Variants in THSD7A observed in about 807,000 individuals in gnomAD.
The protein encoded by THSD7A is thrombospondin type 1 domain containing 7A, also known as thrombospondin type-1 domain-containing protein 7A.
THSD7A carries 96 observed loss-of-function variants against 231.3 expected under a neutral mutation model. The ratio of observed to expected loss-of-function variants is 0.41; its 90% CI spans 0.35 to 0.49. THSD7A has a LOEUF of 0.49. Among genes scored for constraint, THSD7A ranks in the 20% least tolerant of loss-of-function variants. THSD7A has a pLI of 0.05. For synonymous variants in THSD7A, 940 were observed against 743.3 expected (o/e 1.26, Z -4.30); for missense variants, 2,290 against 2,070.2 (o/e 1.11, Z -2.06).
rs774379343 is a variant in THSD7A, at chr7:11,375,023, T to C, written c.*771A>G. On this transcript the variant is annotated 3_prime_UTR_variant, in exon 28 of 28. Coordinates refer to ENST00000423059, the MANE Select transcript of THSD7A (RefSeq NM_015204.3). ...TGTGCCTTCCATATAGCAAAAAAGA[T>C]GCAGGCAACCAGTTTGAAAATCAGG... 2.0e-5 allele frequency: 3 copies of C among 152,068 alleles called. No homozygotes were observed. Among genetic ancestry groups the C allele is most frequent in the Non-Finnish European group, 4.4e-5 (3 of 68,000 alleles). The allele number at this position is 152,068 out of a possible 1,614,324, so 9.4% of individuals were successfully genotyped here.
At chr7:11,399,968 A>C (rs937734401) in intron 23 of THSD7A, among the ~76,000 whole-genome samples, 11 of 152,136 alleles carry the variant, frequency 7.2e-5, no homozygotes, top group Non-Finnish European at 1.3e-4. Context: ...ACACCATGGA[A>C]TACTATGCAG....
rs1239762226 is a variant in THSD7A at position 11,632,737 on chromosome 7, A to C, written c.1022+3393T>G. Among the ~76,000 whole-genome samples the C allele has an allele frequency of 6.6e-6, 1 of 152,144 alleles. No individual in the cohort carries two copies. The highest frequency in any genetic ancestry group is 1.5e-5 in the Non-Finnish European group (1 of 68,016). ...GTCTCTTCACCTATCTCTCTCCATA[A>C]AAGTTGATCTATATTAGTTCTCCCA... On this transcript the variant is annotated intron_variant, in intron 2 of 27. Transcript: ENST00000423059. The surrounding 1 kb of genome is among the most constrained non-coding windows in gnomAD (Gnocchi z 4.1).
At chr7:11,585,587 TA>T (rs1779855291) in intron 4 of THSD7A, among the ~76,000 whole-genome samples, 1 of 152,286 alleles carries the variant, frequency 6.6e-6, no homozygotes, top group Middle Eastern at 3.4e-3. Context: ...CTTTTAATAT[TA>T]AACACTGAAA....
At chr7:11,677,328 G>C (rs534833820) in intron 1 of THSD7A, among the ~76,000 whole-genome samples, 3 of 152,000 alleles carry the variant, frequency 2.0e-5, no homozygotes, top group Admixed American at 2.0e-4. Flanking sequence ...AAAATGTAAA[G>C]ACCATCAAAA....
chr7:11,421,677 T>A (rs577157356), intron 16 of THSD7A, among the ~76,000 whole-genome samples: 1 of 152,322 alleles, frequency 6.6e-6, no homozygotes, highest in South Asian at 2.1e-4. Context: ...GACTATTACT[T>A]TAAATGTATC....
chr7:11,466,443 C>A (rs760617266), intron 9 of THSD7A, among the ~76,000 whole-genome samples: 6 of 152,084 alleles, frequency 3.9e-5, no homozygotes, highest in Non-Finnish European at 7.4e-5. Flanking sequence ...TCCTTATTCT[C>A]AGTTACAGCA....
chr7:11,579,540 C>T (rs771350772), intron 4 of THSD7A, among the ~76,000 whole-genome samples: 6 of 152,160 alleles, frequency 3.9e-5, no homozygotes, highest in Non-Finnish European at 8.8e-5. Flanking sequence ...ACATTTTATC[C>T]ACCATCTTTC....
intron 1 of THSD7A, among the ~76,000 whole-genome samples, chr7:11,706,241 C>T (rs1206567684): frequency 6.6e-6 from 1 of 150,854 alleles, no homozygotes; most frequent in Non-Finnish European, 1.5e-5. Context: ...ACAGCTAGAG[C>T]ACATGTGTAT....
At chr7:11,704,329 T>C (rs1175278644) in intron 1 of THSD7A, among the ~76,000 whole-genome samples, 2 of 151,062 alleles carry the variant, frequency 1.3e-5, no homozygotes, top group African/African-American at 2.4e-5. Context: ...TAGATAATAA[T>C]ATACTTTGGT....
Position 11,474,210 on chromosome 7 carries a change from T to C in THSD7A, c.2252+124A>G, listed in dbSNP as rs556406801. On this transcript the variant is annotated intron_variant, in intron 8 of 27. Coordinates refer to ENST00000423059, the MANE Select transcript of THSD7A (RefSeq NM_015204.3). This position sits in a 1 kb window ranked among gnomAD's most constrained non-coding sequence, Gnocchi z 4.1. Reference sequence around the variant, plus strand: ...GTGGCTGACTTTCAAAACAAACAAATCTTGCTCTTGAGGACAGGTATGACA... The same window carrying C: ...GTGGCTGACTTTCAAAACAAACAAACCTTGCTCTTGAGGACAGGTATGACA... 6 of 764,508 alleles carry C rather than the reference T, an allele frequency of 7.8e-6. No individual in the cohort carries two copies. The highest frequency in any genetic ancestry group is 7.1e-5 in the African/African-American group (4 of 56,690). 47.4% of individuals were successfully genotyped at this position (764,508 alleles called of 1,614,324 possible).
At chr7:11,648,543 A>T (rs1782370966) in intron 1 of THSD7A, among the ~76,000 whole-genome samples, 1 of 151,878 alleles carries the variant, frequency 6.6e-6, no homozygotes, top group South Asian at 2.1e-4. Context: ...GCTTCATTAT[A>T]TCTAGCTTAG....
At chr7:11,796,748 AG>A (rs947349704) in intron 1 of THSD7A, among the ~76,000 whole-genome samples, 2 of 152,054 alleles carry the variant, frequency 1.3e-5, no homozygotes, top group Non-Finnish European at 2.9e-5. Flanking sequence ...TCTTACACCC[AG>A]GTACTTATCA....
intron 9 of THSD7A, among the ~76,000 whole-genome samples, chr7:11,468,569 C>T (rs1455252467): frequency 6.6e-6 from 1 of 152,210 alleles, no homozygotes; most frequent in African/African-American, 2.4e-5. Context: ...TGCAGTGGCT[C>T]GTGCCTGTAA....
intron 1 of THSD7A, among the ~76,000 whole-genome samples, chr7:11,730,274 A>C (rs115437185): frequency 0.017 from 2,551 of 151,800 alleles, 80 homozygotes; most frequent in African/African-American, 0.059. Flanking sequence ...ATTTAAATTA[A>C]TGATTAACAA....
rs955130846 is a variant in THSD7A, at chr7:11,446,915, C to CT, written c.2800+314dup. 5.9e-5 allele frequency among the ~76,000 whole-genome samples: 9 copies of CT among 152,024 alleles called. No individual in the cohort carries two copies. The highest frequency in any genetic ancestry group is 1.2e-4 in the Non-Finnish European group (8 of 67,994). ...TGAGAATGGGTTAACAAAGTAGCAA[C>CT]TTTTTCTCTTGTTCCCCAAAAACTT... On this transcript the variant is annotated intron_variant, in intron 12 of 27. Transcript: ENST00000423059. This position sits in a 1 kb window ranked among gnomAD's most constrained non-coding sequence, Gnocchi z 4.0.
At chr7:11,450,241 C>G (rs562259377) in intron 11 of THSD7A, among the ~76,000 whole-genome samples, 4 of 152,126 alleles carry the variant, frequency 2.6e-5, no homozygotes, top group Non-Finnish European at 4.4e-5. Flanking sequence ...TTGTGCAGAT[C>G]TATACTATTC....
intron 1 of THSD7A, among the ~76,000 whole-genome samples, chr7:11,691,629 A>G (rs574502618): frequency 1.3e-5 from 2 of 151,532 alleles, no homozygotes; most frequent in South Asian, 2.1e-4. Context: ...ATACATAATA[A>G]CATCTACAAT....
At chr7:11,442,437 T>C (rs574775088) in intron 13 of THSD7A, among the ~76,000 whole-genome samples, 3 of 152,170 alleles carry the variant, frequency 2.0e-5, no homozygotes, top group South Asian at 4.1e-4. Context: ...AAGGACACTA[T>C]TGAATAGGGG....
chr7:11,664,723 A>G (rs2128374951), intron 1 of THSD7A, among the ~76,000 whole-genome samples: 1 of 151,896 alleles, frequency 6.6e-6, no homozygotes, highest in Non-Finnish European at 1.5e-5. Flanking sequence ...CAAGTACATG[A>G]TGGTAAGCTT....
Sources: gnomAD v4.1 joint callset for allele counts (sites outside exome capture counted in the v4.1 genomes callset) on GRCh38, gnomAD v4.1.1 for gene constraint, Gnocchi (gnomAD v3.1) non-coding constraint, MANE v1.5 for transcripts, NCBI Gene and HGNC (gene_info 2026-07-23, HGNC 2026-07-21) for gene names.